Variants in RNLS observed in about 807,000 individuals in gnomAD.
RNLS encodes the protein renalase, FAD dependent amine oxidase, also known as renalase.
A neutral mutation model predicts 39.8 loss-of-function variants in RNLS; 39 were observed. The observed-to-expected ratio is 0.98, with a 90% CI of 0.76 to 1.28. The LOEUF is 1.28. Among genes scored for constraint, RNLS ranks in the 50% most tolerant of loss-of-function variants. The probability of loss-of-function intolerance (pLI) is 0.00; values close to 1 mark genes in which losing one functional copy is unlikely to be tolerated. For missense variants in RNLS, 410 were observed against 413.3 expected (o/e 0.99, Z 0.07); for synonymous variants, 147 against 150.7 (o/e 0.98, Z 0.18).
chr10:88,491,792 A>G (rs1227170456), intron 4 of RNLS, among the ~76,000 whole-genome samples: 1 of 152,200 alleles, frequency 6.6e-6, no homozygotes, highest in Non-Finnish European at 1.5e-5. Context: ...ATTACTTGCT[A>G]TAATTATCAC....
intron 4 of RNLS, among the ~76,000 whole-genome samples, chr10:88,456,620 C>G (rs2133918782): frequency 1.3e-5 from 2 of 152,278 alleles, no homozygotes; most frequent in Middle Eastern, 3.4e-3. Flanking sequence ...CAAAGGGTAG[C>G]ATTTATACAG....
At chr10:88,443,211 T>C (rs1265083353) in intron 4 of RNLS, among the ~76,000 whole-genome samples, 1 of 152,210 alleles carries the variant, frequency 6.6e-6, no homozygotes, top group African/African-American at 2.4e-5. Context: ...AAAAATGCAA[T>C]CCAATTTTTT....
chr10:88,472,774 T>G (rs764577729), intron 4 of RNLS, among the ~76,000 whole-genome samples: 1 of 152,180 alleles, frequency 6.6e-6, no homozygotes, highest in Non-Finnish European at 1.5e-5. Flanking sequence ...AGCATTTCAC[T>G]CTTCCCAAGA....
chr10:88,408,432 T>G (rs813782), intron 4 of RNLS, among the ~76,000 whole-genome samples: 103,268 of 151,796 alleles, frequency 0.68, 35,861 homozygotes, highest in African/African-American at 0.82. Context: ...CCCTAATGAA[T>G]AAGTTTAGTG....
the RNLS span, among the ~76,000 whole-genome samples, chr10:88,210,495 C>T: frequency 1.3e-5 from 2 of 152,316 alleles, no homozygotes; most frequent in African/African-American, 4.8e-5. Flanking sequence ...AGAGACGACT[C>T]ATGGCAGCTG....
intron 6 of RNLS, among the ~76,000 whole-genome samples, chr10:88,308,139 A>G (rs997436364): frequency 6.6e-6 from 1 of 152,242 alleles, no homozygotes; most frequent in Non-Finnish European, 1.5e-5. Context: ...AAAATGAATT[A>G]AGGACTTAAG....
chr10:88,374,246 G>A (rs970852054), intron 4 of RNLS, among the ~76,000 whole-genome samples: 3 of 152,064 alleles, frequency 2.0e-5, no homozygotes, highest in Middle Eastern at 3.2e-3. Context: ...GGAAAGACAT[G>A]ATATTTCATA....
the RNLS span, among the ~76,000 whole-genome samples, chr10:88,228,239 A>G: frequency 6.6e-6 from 1 of 152,180 alleles, no homozygotes; most frequent in Admixed American, 6.5e-5. Flanking sequence ...TGGCTTAAAT[A>G]AGTTTATTTC....
At chr10:88,245,455 A>G in the RNLS span, among the ~76,000 whole-genome samples, 35 of 152,210 alleles carry the variant, frequency 2.3e-4, no homozygotes, top group Non-Finnish European at 4.0e-4. Context: ...CCTGAGGTAC[A>G]GCTTGGCTTT....
At chr10:88,544,529 A>G (rs1307566300) in intron 4 of RNLS, among the ~76,000 whole-genome samples, 1 of 152,224 alleles carries the variant, frequency 6.6e-6, no homozygotes, top group Non-Finnish European at 1.5e-5. Context: ...TTAATAAAGT[A>G]GGTCTAATTA....
chr10:88,235,660 G>A, the RNLS span, among the ~76,000 whole-genome samples: 1 of 151,968 alleles, frequency 6.6e-6, no homozygotes, highest in Non-Finnish European at 1.5e-5. Flanking sequence ...TCTACTTTTT[G>A]TTCCCCTTCA....
At chr10:88,404,356 T>G (rs961542708) in intron 4 of RNLS, among the ~76,000 whole-genome samples, 1 of 152,060 alleles carries the variant, frequency 6.6e-6, no homozygotes, top group African/African-American at 2.4e-5. Flanking sequence ...TAAGCCTGTT[T>G]CATCATCTGG....
At chr10:88,313,016 C>T (rs935133097) in intron 6 of RNLS, among the ~76,000 whole-genome samples, 1 of 152,048 alleles carries the variant, frequency 6.6e-6, no homozygotes, top group Middle Eastern at 3.2e-3. Flanking sequence ...ACTTCAGAGT[C>T]GTAAATATAG....
intron 4 of RNLS, among the ~76,000 whole-genome samples, chr10:88,559,136 A>G (rs1287117189): frequency 2.2e-4 from 33 of 152,196 alleles, no homozygotes; most frequent in Admixed American, 2.2e-3. Context: ...AAATTCTAGA[A>G]GTTATAGAAA....
chr10:88,285,271 C>A lies in RNLS; in HGVS notation c.*83G>T. The stretch of plus-strand genomic sequence containing the variant: ...ACAATTTTCCAGTAATTTTTCTTAG[C>A]AAAATAGAAAACAAAATAATCAATA... On this transcript the variant is annotated 3_prime_UTR_variant, in exon 7 of 7. Coordinates refer to ENST00000331772, the MANE Select transcript of RNLS (RefSeq NM_001031709.3). 4 of 1,409,134 alleles carry A rather than the reference C, an allele frequency of 2.8e-6. No individual in the cohort carries two copies. The highest frequency in any genetic ancestry group is 3.6e-5 in the South Asian group (2 of 55,954). 87.3% of individuals were successfully genotyped at this position (1,409,134 alleles called of 1,614,324 possible).
At chr10:88,447,167 A>T (rs1029518434) in intron 4 of RNLS, among the ~76,000 whole-genome samples, 2 of 152,186 alleles carry the variant, frequency 1.3e-5, no homozygotes, top group African/African-American at 4.8e-5. Flanking sequence ...GGCCAGGAAA[A>T]TCAGGCAGGA....
chr10:88,566,435 C>T (rs1402743289), intron 4 of RNLS, among the ~76,000 whole-genome samples: 2 of 151,938 alleles, frequency 1.3e-5, no homozygotes, highest in African/African-American at 2.4e-5. Flanking sequence ...TAATGATTAA[C>T]AAGAGACATA....
At chr10:88,178,637 T>C in the RNLS span, among the ~76,000 whole-genome samples, 1 of 152,256 alleles carries the variant, frequency 6.6e-6, no homozygotes, top group African/African-American at 2.4e-5. Flanking sequence ...TTTGTCACTT[T>C]CTTGCTGGAT....
chr10:88,311,255 G>A (rs12251460), intron 6 of RNLS, among the ~76,000 whole-genome samples: 17 of 152,242 alleles, frequency 1.1e-4, no homozygotes, highest in East Asian at 3.9e-4. Context: ...AGAGTATTAC[G>A]GTTATCAAAC....
Sources: gnomAD v4.1 joint callset for allele counts (sites outside exome capture counted in the v4.1 genomes callset) on GRCh38, gnomAD v4.1.1 for gene constraint, MANE v1.5 for transcripts, NCBI Gene and HGNC (gene_info 2026-07-23, HGNC 2026-07-21) for gene names.